ZNF793: variants seen among roughly 807,000 people sequenced by gnomAD.
The protein encoded by ZNF793 is zinc finger protein 793.
Under a neutral mutation model 12.4 loss-of-function variants are expected in ZNF793, and 5 were observed. That is an observed-to-expected ratio of 0.40 (90% CI 0.21 to 0.84). The LOEUF (loss-of-function observed/expected upper bound fraction) is 0.84, where lower values mean the gene tolerates loss of function less well. Among genes scored for constraint, ZNF793 ranks in the 40% least tolerant of loss-of-function variants. The pLI is 0.35. For synonymous variants in ZNF793, 162 were observed against 172.4 expected (o/e 0.94, Z 0.47); for missense variants, 456 against 495.0 (o/e 0.92, Z 0.75).
chr19:37,536,311 T>G (rs180776619), intron 7 of ZNF793: 128 of 396,956 alleles, frequency 3.2e-4, no homozygotes, highest in Non-Finnish European at 4.7e-4. Context: ...GGGCATCTTG[T>G]TGAAATGCAG....
intron 2 of ZNF793, among the ~76,000 whole-genome samples, chr19:37,516,132 G>GTTTGT (rs953988483): frequency 8.5e-5 from 13 of 152,082 alleles, no homozygotes; most frequent in African/African-American, 3.1e-4. Context: ...CTATGAACTA[G>GTTTGT]TTTGTTTTGT....
intron 2 of ZNF793, among the ~76,000 whole-genome samples, chr19:37,510,633 A>G (rs1343157577): frequency 6.6e-6 from 1 of 151,272 alleles, no homozygotes; most frequent in Non-Finnish European, 1.5e-5. Context: ...GCAGTGAGCT[A>G]TGATTGTGCC....
At chr19:37,512,470 A>G (rs8109709) in intron 2 of ZNF793, among the ~76,000 whole-genome samples, 135,680 of 152,008 alleles carry the variant, frequency 0.89, 60,812 homozygotes, top group African/African-American at 0.97. Context: ...AGCCGAGATC[A>G]CGCCACTACA....
At chr19:37,518,531 C>T in intron 2 of ZNF793, among the ~76,000 whole-genome samples, 2 of 150,950 alleles carry the variant, frequency 1.3e-5, no homozygotes, top group Middle Eastern at 6.8e-3. Flanking sequence ...TGGTGGCTCA[C>T]ACCTATAATC....
At chr19:37,530,230 G>A (rs574227149) in intron 5 of ZNF793, among the ~76,000 whole-genome samples, 13 of 152,134 alleles carry the variant, frequency 8.5e-5, no homozygotes, top group African/African-American at 2.9e-4. Flanking sequence ...ATATACAATC[G>A]GGTTTTATAC....
At chr19:37,533,123 C>T (rs147278896) in intron 6 of ZNF793, among the ~76,000 whole-genome samples, 185 bp from the exon 7 acceptor site, 85 of 152,304 alleles carry the variant, frequency 5.6e-4, no homozygotes, top group Middle Eastern at 3.4e-3. Context: ...CCTTGTGCTG[C>T]TGCCTCAGTG....
intron 2 of ZNF793, among the ~76,000 whole-genome samples, chr19:37,518,774 A>G (rs1271756232): frequency 7.0e-6 from 1 of 142,210 alleles, no homozygotes; most frequent in Non-Finnish European, 1.5e-5. Flanking sequence ...ACTCCAGCCT[A>G]TCTCAAATAA....
At chr19:37,534,820 A>AT (rs2042491746) in intron 7 of ZNF793, 1 of 151,834 alleles carries the variant, frequency 6.6e-6, no homozygotes, top group East Asian at 1.9e-4. Flanking sequence ...AGTAACTGGG[A>AT]TTATATTCAC....
At chr19:37,536,383 A>G in intron 7 of ZNF793, 3 of 399,308 alleles carry the variant, frequency 7.5e-6, no homozygotes, top group Non-Finnish European at 1.3e-5. Context: ...AGCTCCAAGT[A>G]AGGCCAAAAT....
chr19:37,511,527 T>G (rs1159561658), intron 2 of ZNF793, among the ~76,000 whole-genome samples: 2 of 152,006 alleles, frequency 1.3e-5, no homozygotes, highest in Non-Finnish European at 2.9e-5. Flanking sequence ...AAAAATCAGA[T>G]GGGCATGGTG....
intron 5 of ZNF793, among the ~76,000 whole-genome samples, chr19:37,528,176 C>T (rs1311169449): frequency 6.6e-6 from 1 of 152,066 alleles, no homozygotes. Flanking sequence ...AGAGAAGAGG[C>T]TCATGAAGCA....
chr19:37,517,827 C>T (rs1026405004), intron 2 of ZNF793, among the ~76,000 whole-genome samples: 1 of 151,630 alleles, frequency 6.6e-6, no homozygotes, highest in African/African-American at 2.4e-5. Flanking sequence ...CCTGTGTGTG[C>T]TTGTTTTGAT....
intron 2 of ZNF793, among the ~76,000 whole-genome samples, chr19:37,509,847 C>T (rs1361033925): frequency 6.6e-6 from 1 of 152,182 alleles, no homozygotes. Flanking sequence ...CATTCTAGCA[C>T]CGTGCCCTCA....
At chr19:37,521,836 C>G (rs2042378725) in intron 3 of ZNF793, among the ~76,000 whole-genome samples, 1 of 152,070 alleles carries the variant, frequency 6.6e-6, no homozygotes, top group Non-Finnish European at 1.5e-5. Flanking sequence ...TACCTAGATT[C>G]ATCTATATAA....
chr19:37,509,669 T>G (rs1372776553), intron 2 of ZNF793, among the ~76,000 whole-genome samples: 1 of 152,200 alleles, frequency 6.6e-6, no homozygotes, highest in African/African-American at 2.4e-5. Flanking sequence ...GTTGATTCCC[T>G]TCACCACCTA....
rs1434774420 is a variant in ZNF793 at position 37,538,782 on chromosome 19, A to G, written c.*903A>G. ...AAGAGACTTAAAGGCATACTCTGGTATATTCCACAGTGAGCCATACAATCA... is the reference window on the plus strand; with the variant it reads ...AAGAGACTTAAAGGCATACTCTGGTGTATTCCACAGTGAGCCATACAATCA... On this transcript the variant is annotated 3_prime_UTR_variant, in exon 8 of 8. Coordinates refer to ENST00000627814, the MANE Select transcript of ZNF793 (RefSeq NM_001013659.3). The G allele has an allele frequency of 2.0e-5, 3 of 152,380 alleles. No homozygotes were observed. In the East Asian group the frequency reaches 5.8e-4, roughly 29 times the overall value. 9.4% of individuals were successfully genotyped at this position (152,380 alleles called of 1,614,324 possible). A position where few individuals can be genotyped will look rare whatever the true frequency, so the allele number is the denominator to read the frequency against.
In ZNF793 at chr19:37,542,708, C is replaced by T; in HGVS notation, c.*4829C>T. 1 of 172,722 alleles carries T rather than the reference C, an allele frequency of 5.8e-6. No individual in the cohort carries two copies. The highest frequency in any genetic ancestry group is 1.3e-5 in the Non-Finnish European group (1 of 79,230). The allele number at this position is 172,722 out of a possible 1,614,324, so 10.7% of individuals were successfully genotyped here. ...GCTAGTGGACTTGAGTGGAATTCCA[C>T]AATGTTCTCTTGAGTGAAAAATGCA... On this transcript the variant is annotated 3_prime_UTR_variant, in exon 8 of 8. Transcript: ENST00000627814.
rs1437090637 is a variant in ZNF793, at chr19:37,542,732, C to T, written c.*4853C>T. 1.8e-5 allele frequency: 3 copies of T among 170,650 alleles called. No homozygotes were observed. The highest frequency in any genetic ancestry group is 7.1e-5 in the African/African-American group (3 of 42,042). The allele number at this position is 170,650 out of a possible 1,614,324, so 10.6% of individuals were successfully genotyped here. A position where few individuals can be genotyped will look rare whatever the true frequency, so the allele number is the denominator to read the frequency against. On this transcript the variant is annotated 3_prime_UTR_variant, in exon 8 of 8. Transcript: ENST00000627814. Reference sequence around the variant, plus strand: ...ACAATGTTCTCTTGAGTGAAAAATGCAAGGTAGATATTAAGTATGTTAAAT... The same window carrying T: ...ACAATGTTCTCTTGAGTGAAAAATGTAAGGTAGATATTAAGTATGTTAAAT...
chr19:37,530,061 G>A (rs1459944040), intron 5 of ZNF793, among the ~76,000 whole-genome samples: 2 of 152,016 alleles, frequency 1.3e-5, no homozygotes, highest in South Asian at 2.1e-4. Context: ...AGATAAACAC[G>A]TGAACAAAGG....
Sources: gnomAD v4.1 joint callset for allele counts (sites outside exome capture counted in the v4.1 genomes callset) on GRCh38, gnomAD v4.1.1 for gene constraint, MANE v1.5 for transcripts, NCBI Gene and HGNC (gene_info 2026-07-23, HGNC 2026-07-21) for gene names.